DOCK1: variants seen among roughly 807,000 people sequenced by gnomAD.
DOCK1 encodes dedicator of cytokinesis 1.
In DOCK1, 138 loss-of-function variants were observed where a neutral mutation model predicts 262.7. The ratio of observed to expected loss-of-function variants is 0.53; its 90% CI spans 0.46 to 0.61. The LOEUF (loss-of-function observed/expected upper bound fraction) is 0.61. Among genes scored for constraint, DOCK1 ranks in the 20% least tolerant of loss-of-function variants. DOCK1 has a pLI of 0.00. For missense variants in DOCK1, 1,908 were observed against 2,370.7 expected (o/e 0.80, Z 4.05); for synonymous variants, 866 against 867.4 (o/e 1.00, Z 0.03).
At chr10:127,342,812 G>C (rs1434024392) in intron 30 of DOCK1, among the ~76,000 whole-genome samples, 1 of 151,988 alleles carries the variant, frequency 6.6e-6, no homozygotes, top group Non-Finnish European at 1.5e-5. Context: ...TTGAAATATG[G>C]GTTTATTGAA....
chr10:127,251,231 G>C (rs2059628562), intron 28 of DOCK1, among the ~76,000 whole-genome samples: 1 of 151,458 alleles, frequency 6.6e-6, no homozygotes, highest in African/African-American at 2.4e-5. Flanking sequence ...CCTCCCAAAT[G>C]GCCTCCCAAA....
intron 25 of DOCK1, among the ~76,000 whole-genome samples, chr10:127,119,108 A>G (rs1038092469): frequency 3.3e-5 from 5 of 151,654 alleles, no homozygotes; most frequent in Non-Finnish European, 7.4e-5. Flanking sequence ...CAGTGGCGCA[A>G]TCTCGGCTTA....
chr10:127,243,996 C>T (rs550871576), intron 27 of DOCK1, among the ~76,000 whole-genome samples: 26 of 152,002 alleles, frequency 1.7e-4, no homozygotes, highest in African/African-American at 5.5e-4. Flanking sequence ...TGCAGTTTTC[C>T]TCTTCAATTA....
At chr10:127,125,360 C>A in intron 25 of DOCK1, 114 bp from the exon 26 acceptor site, 1 of 1,458,340 alleles carries the variant, frequency 6.9e-7, no homozygotes, top group Non-Finnish European at 9.3e-7. Flanking sequence ...ATGTCAGTTC[C>A]ACGTGTTGCA....
chr10:126,911,530 G>C (rs1020459023), intron 1 of DOCK1, among the ~76,000 whole-genome samples: 3 of 152,228 alleles, frequency 2.0e-5, no homozygotes, highest in African/African-American at 7.2e-5. Context: ...CGGTTGTCAA[G>C]ATGTTCACTT....
At chr10:126,953,243 A>T (rs1230842572) in intron 1 of DOCK1, among the ~76,000 whole-genome samples, 1 of 134,818 alleles carries the variant, frequency 7.4e-6, no homozygotes, top group Non-Finnish European at 1.6e-5. Context: ...TAGTGTTGGT[A>T]GTGGTGGTAT....
intron 29 of DOCK1, among the ~76,000 whole-genome samples, chr10:127,267,022 C>A (rs2060386462): frequency 6.6e-6 from 1 of 152,190 alleles, no homozygotes; most frequent in African/African-American, 2.4e-5. Context: ...ATCAGGATTT[C>A]AAGACAGATA....
intron 29 of DOCK1, among the ~76,000 whole-genome samples, chr10:127,275,744 G>A (rs1395102281): frequency 7.1e-6 from 1 of 141,672 alleles, no homozygotes; most frequent in Non-Finnish European, 1.6e-5. Flanking sequence ...AGGTACAGGT[G>A]TCAACCTGTG....
chr10:127,261,221 A>C (rs1310091399), intron 29 of DOCK1, among the ~76,000 whole-genome samples: 11 of 34,350 alleles, frequency 3.2e-4, no homozygotes, highest in African/African-American at 1.1e-3. Context: ...ATGTGTGTGC[A>C]TGTGGGTGTG....
chr10:127,048,518 G>A (rs769549142), intron 21 of DOCK1, among the ~76,000 whole-genome samples: 1 of 151,748 alleles, frequency 6.6e-6, no homozygotes, highest in Non-Finnish European at 1.5e-5. Flanking sequence ...TTTTGTTGAA[G>A]CCTAAATCAT....
Position 127,012,499 on chromosome 10 carries a change from C to G in DOCK1, c.1201+125C>G. The G allele has an allele frequency of 2.5e-6, 2 of 805,920 alleles. No homozygotes were observed. The highest frequency in any genetic ancestry group is 2.4e-4 in the Middle Eastern group (1 of 4,144). 49.9% of individuals were successfully genotyped at this position (805,920 alleles called of 1,614,324 possible). A position where few individuals can be genotyped will look rare whatever the true frequency, so the allele number is the denominator to read the frequency against. On this transcript the variant is annotated intron_variant, in intron 12 of 51. Coordinates refer to ENST00000623213, the MANE Select transcript of DOCK1 (RefSeq NM_001290223.2). This position sits in a 1 kb window ranked among gnomAD's most constrained non-coding sequence, Gnocchi z 4.0. ...TGATAATGATGGGGATGACAGTGATCGTGGTGGAGAATGTGTGTGACAGTT... is the reference window on the plus strand; with the variant it reads ...TGATAATGATGGGGATGACAGTGATGGTGGTGGAGAATGTGTGTGACAGTT...
intron 25 of DOCK1, among the ~76,000 whole-genome samples, chr10:127,122,389 C>G (rs1437840441): frequency 6.6e-6 from 1 of 152,180 alleles, no homozygotes; most frequent in Non-Finnish European, 1.5e-5. Context: ...CCTCAGTGAC[C>G]TGGTTCTGTT....
intron 38 of DOCK1, 29 bp downstream of exon 38, chr10:127,384,938 T>C (rs773339753): frequency 6.4e-7 from 1 of 1,553,796 alleles, no homozygotes; most frequent in Non-Finnish European, 8.7e-7. Context: ...TTGTCCTTGT[T>C]TTCCTCTTTC....
intron 29 of DOCK1, among the ~76,000 whole-genome samples, chr10:127,267,487 GA>G (rs758550184): frequency 1.3e-5 from 2 of 152,298 alleles, no homozygotes; most frequent in East Asian, 3.9e-4. Flanking sequence ...TTTTAATTCA[GA>G]GATGAAAAAT....
In DOCK1 at chr10:126,996,893, A is replaced by T. The variant is rs751925521; in HGVS notation, c.609+10A>T. 18 of 1,591,418 alleles carry T rather than the reference A, an allele frequency of 1.1e-5. No homozygotes were observed. The highest frequency in any genetic ancestry group is 1.5e-5 in the Non-Finnish European group (18 of 1,171,962). Reference sequence around the variant, plus strand: ...GTTACAAGAGGAAAAAGTAAGTTTGACTCTGTCATATGCCATTCACGTTTT... The same window carrying T: ...GTTACAAGAGGAAAAAGTAAGTTTGTCTCTGTCATATGCCATTCACGTTTT... On this transcript the variant is annotated intron_variant, in intron 7 of 51. Transcript: ENST00000623213.
At chr10:127,039,074 G>A (rs2043847649) in intron 19 of DOCK1, among the ~76,000 whole-genome samples, 1 of 152,108 alleles carries the variant, frequency 6.6e-6, no homozygotes, top group African/African-American at 2.4e-5. Context: ...ACTTAAAATG[G>A]CCTTAATTAA....
chr10:127,066,795 G>C (rs2045906682), intron 23 of DOCK1, among the ~76,000 whole-genome samples: 1 of 152,208 alleles, frequency 6.6e-6, no homozygotes, highest in Non-Finnish European at 1.5e-5. Flanking sequence ...CTATTAAGTA[G>C]ATACTTTGAT....
At chr10:127,340,016 A>G (rs1180635752) in intron 30 of DOCK1, among the ~76,000 whole-genome samples, 1 of 152,138 alleles carries the variant, frequency 6.6e-6, no homozygotes, top group Non-Finnish European at 1.5e-5. Context: ...AAGTTACCCA[A>G]TAGCAAATAA....
intron 32 of DOCK1, among the ~76,000 whole-genome samples, chr10:127,359,328 T>A (rs11017543): frequency 4.6e-5 from 7 of 152,150 alleles, no homozygotes; most frequent in Admixed American, 1.3e-4. Context: ...GCTACTGTCG[T>A]TTTGGTAGCT....
Sources: allele counts gnomAD v4.1 joint callset (sites outside exome capture counted in the v4.1 genomes callset), GRCh38; gene constraint gnomAD v4.1.1; non-coding constraint Gnocchi (gnomAD v3.1); transcripts MANE v1.5; gene names NCBI Gene and HGNC (gene_info 2026-07-23, HGNC 2026-07-21).